PTPRT: variants seen among roughly 807,000 people sequenced by gnomAD.
PTPRT encodes the protein receptor-type tyrosine-protein phosphatase T.
PTPRT carries 56 observed loss-of-function variants against 176.8 expected under a neutral mutation model. The ratio of observed to expected loss-of-function variants is 0.32; its 90% CI spans 0.26 to 0.40. The LOEUF is 0.40. PTPRT is among the 10% of genes least tolerant of loss of function. PTPRT has a pLI of 1.00. For missense variants in PTPRT, 1,540 were observed against 1,908.2 expected, an observed-to-expected ratio of 0.81 and a Z score of 3.60; for synonymous variants, 783 against 739.0, an observed-to-expected ratio of 1.06 and a Z score of -0.96.
At chr20:42,987,779 TATC>T (rs1271706230) in intron 1 of PTPRT, among the ~76,000 whole-genome samples, 1 of 152,160 alleles carries the variant, frequency 6.6e-6, no homozygotes, top group Admixed American at 6.5e-5. Flanking sequence ...TTGCAGTAAT[TATC>T]ATAACCTCTC....
At chr20:42,455,289 T>C (rs891181039) in intron 8 of PTPRT, among the ~76,000 whole-genome samples, 17 of 152,236 alleles carry the variant, frequency 1.1e-4, no homozygotes, top group Non-Finnish European at 2.2e-4. Context: ...GTGCTGGTCC[T>C]TGGACCACAC....
At chr20:42,032,579 T>A in the PTPRT span, among the ~76,000 whole-genome samples, 6 of 152,172 alleles carry the variant, frequency 3.9e-5, no homozygotes, top group African/African-American at 1.4e-4. Context: ...ACTTTAACAT[T>A]GCTTCCAGTG....
intron 1 of PTPRT, among the ~76,000 whole-genome samples, chr20:43,093,243 T>C (rs1348520252): frequency 6.6e-6 from 1 of 152,194 alleles, no homozygotes; most frequent in African/African-American, 2.4e-5. Context: ...TTCAGTACCT[T>C]TTCCACCCCA....
chr20:43,113,710 G>A (rs1038212745), intron 1 of PTPRT, among the ~76,000 whole-genome samples: 5 of 152,158 alleles, frequency 3.3e-5, no homozygotes, highest in Non-Finnish European at 7.3e-5. Flanking sequence ...AACTCCCAGT[G>A]GAAAGATCAA....
At chr20:42,504,997 A>C (rs2071818991) in intron 7 of PTPRT, among the ~76,000 whole-genome samples, 1 of 152,124 alleles carries the variant, frequency 6.6e-6, no homozygotes. Flanking sequence ...GGAGCTGGGC[A>C]GAGCATACCT....
At chr20:42,884,080 C>T (rs935825612) in intron 2 of PTPRT, among the ~76,000 whole-genome samples, 8 of 152,150 alleles carry the variant, frequency 5.3e-5, no homozygotes, top group African/African-American at 1.9e-4. Context: ...GCAGAGGTGT[C>T]TTGGATTCTT....
At chr20:42,630,226 C>G (rs983304363) in intron 7 of PTPRT, among the ~76,000 whole-genome samples, 1 of 152,050 alleles carries the variant, frequency 6.6e-6, no homozygotes, top group Non-Finnish European at 1.5e-5. Flanking sequence ...CTTCTAGGAG[C>G]TAGAAAAAGT....
rs769271785 is a variant in PTPRT, at chr20:42,461,329, AAAAT to A, written c.1450+10933_1450+10936del. Reference sequence around the variant, plus strand: ...GCAACAAGAGTGAAACTCCGTCTCAAAAATAAATAAATAAATAAAATAAAATAAA... The same window carrying A: ...GCAACAAGAGTGAAACTCCGTCTCAAAAATAAATAAATAAAATAAAATAAA... On this transcript the variant is annotated intron_variant, in intron 8 of 30. Transcript: ENST00000373187. Among the ~76,000 whole-genome samples, 10 of 152,300 alleles carry A rather than the reference AAAAT, an allele frequency of 6.6e-5. No individual in the cohort carries two copies. The East Asian group carries it at 1.2e-3, about 18-fold the overall frequency.
chr20:42,754,333 G>A (rs1191746523), intron 6 of PTPRT, among the ~76,000 whole-genome samples: 1 of 152,076 alleles, frequency 6.6e-6, no homozygotes, highest in African/African-American at 2.4e-5. Flanking sequence ...CTAGAGGCAC[G>A]AGCCACCACA....
rs182793545 is a variant in PTPRT, at chr20:42,314,610, T to C, written c.2139+1113A>G. ...CACCTTGATGGAAAATACAAACTTG[T>C]GTAATAAAACAGGCTAAAGATATTT... is the stretch of plus-strand genomic sequence containing the variant. On this transcript the variant is annotated intron_variant, in intron 12 of 30. Transcript: ENST00000373187. 3.5e-3 allele frequency among the ~76,000 whole-genome samples: 524 copies of C among 151,094 alleles called. 3 individuals are homozygous for C. The highest frequency in any genetic ancestry group is 0.012 in the African/African-American group (497 of 41,214).
intron 6 of PTPRT, among the ~76,000 whole-genome samples, chr20:42,751,151 C>T (rs141700378): frequency 7.6e-4 from 115 of 152,236 alleles, no homozygotes; most frequent in African/African-American, 2.7e-3. Flanking sequence ...AAAGAGAGAC[C>T]AGCCTGGGCC....
chr20:42,556,353 G>T (rs2072860635), intron 7 of PTPRT, among the ~76,000 whole-genome samples: 1 of 152,144 alleles, frequency 6.6e-6, no homozygotes, highest in Non-Finnish European at 1.5e-5. Context: ...TAGCTTGTGA[G>T]ACAGGGCAGG....
intron 7 of PTPRT, among the ~76,000 whole-genome samples, chr20:42,570,882 C>A (rs2073140946): frequency 7.5e-6 from 1 of 132,840 alleles, no homozygotes; most frequent in Non-Finnish European, 1.5e-5. Flanking sequence ...CTATAAAGTC[C>A]TTTTTTGCAG....
intron 12 of PTPRT, 103 bp downstream of exon 12, chr20:42,315,620 G>C: frequency 7.4e-7 from 1 of 1,359,540 alleles, no homozygotes; most frequent in Non-Finnish European, 1.0e-6. Context: ...TGCCCCACGG[G>C]CCTTAGTTTT....
rs567092291 is a variant in PTPRT at position 42,771,613 on chromosome 20, G to A, written c.569-63C>T. On this transcript the variant is annotated intron_variant, in intron 4 of 30. Coordinates refer to ENST00000373187, the MANE Select transcript of PTPRT (RefSeq NM_007050.6). ...CGACAGCCTGCACCACTTCCCTATT[G>A]GTGGATGGCAGCTCAGGATGGGCAC... 2.2e-5 allele frequency: 30 copies of A among 1,380,930 alleles called. No individual in the cohort carries two copies. The East Asian group carries it at 6.9e-4, about 32-fold the overall frequency. The allele number at this position is 1,380,930 out of a possible 1,614,324, so 85.5% of individuals were successfully genotyped here. A position where few individuals can be genotyped will look rare whatever the true frequency, so the allele number is the denominator to read the frequency against.
chr20:43,165,126 G>A (rs6103178), intron 1 of PTPRT, among the ~76,000 whole-genome samples: 1,717 of 151,608 alleles, frequency 0.011, 38 homozygotes, highest in African/African-American at 0.039. Flanking sequence ...AAGATCTGAT[G>A]GTTTTAGAGA....
intron 9 of PTPRT, among the ~76,000 whole-genome samples, chr20:42,356,821 T>C (rs2058364639): frequency 6.6e-6 from 1 of 152,130 alleles, no homozygotes; most frequent in African/African-American, 2.4e-5. Flanking sequence ...CTGGCCTCGC[T>C]CGTCCTCCCC....
intron 1 of PTPRT, among the ~76,000 whole-genome samples, chr20:42,894,542 C>A (rs1449761564): frequency 6.6e-6 from 1 of 152,034 alleles, no homozygotes; most frequent in Non-Finnish European, 1.5e-5. Flanking sequence ...AAAAAACTAT[C>A]CCAAGATCAC....
chr20:42,892,088 T>C (rs1157834536), intron 1 of PTPRT, among the ~76,000 whole-genome samples: 3 of 152,216 alleles, frequency 2.0e-5, no homozygotes, highest in East Asian at 3.8e-4. Flanking sequence ...GAAAGAAGTA[T>C]TGCTTTCTTC....
Sources: gnomAD v4.1 joint callset for allele counts (sites outside exome capture counted in the v4.1 genomes callset) on GRCh38, gnomAD v4.1.1 for gene constraint, MANE v1.5 for transcripts, NCBI Gene and HGNC (gene_info 2026-07-23, HGNC 2026-07-21) for gene names.